Variants in CCDC187 observed in about 807,000 individuals in gnomAD.
CCDC187 encodes the protein coiled-coil domain containing 187, also known as coiled-coil domain-containing protein 187.
A neutral mutation model predicts 38.0 loss-of-function variants in CCDC187; 32 were observed. The observed-to-expected ratio is 0.84, with a 90% confidence interval of 0.64 to 1.13. The LOEUF (loss-of-function observed/expected upper bound fraction) is 1.13. Ranked by LOEUF, CCDC187 falls within the 50% of genes most tolerant of loss-of-function variation. The pLI is 0.00. For missense variants in CCDC187, 707 were observed against 786.8 expected (o/e 0.90, Z 1.21); for synonymous variants, 333 against 347.9 (o/e 0.96, Z 0.48).
intron 10 of CCDC187, among the ~76,000 whole-genome samples, chr9:136,280,310 C>T (rs1039550916): frequency 5.3e-5 from 8 of 152,220 alleles, no homozygotes; most frequent in Admixed American, 3.3e-4. Context: ...GCCAGGCAGG[C>T]AGTGATGCTC....
At position 136,254,338 on chromosome 9, in the gene CCDC187, C is replaced by A; in HGVS notation, c.5490G>T (p.Glu1830Asp). The A allele has an allele frequency of 1.0e-6, 1 of 983,818 alleles. No individual in the cohort carries two copies. The highest frequency in any genetic ancestry group is 1.8e-5 in the African/African-American group (1 of 57,072). 60.9% of individuals were successfully genotyped at this position (983,818 alleles called of 1,614,324 possible). Reference sequence around the variant, plus strand: ...ATGGGGACGGAAGAGCCACCTGGGGCTCCATGCCGCTTCTGACACCCCCTT... The same window carrying A: ...ATGGGGACGGAAGAGCCACCTGGGGATCCATGCCGCTTCTGACACCCCCTT... Reference protein sequence around the residue: ...SLKGGVRSGMEPQVALPSPWP... With the variant: ...SLKGGVRSGMDPQVALPSPWP... The change falls in exon 26 of 26, where the codon GAG (glutamate) becomes GAT (aspartate). Residue 1830 changes from glutamate to aspartate, a missense_variant. Coordinates refer to ENST00000638797, the MANE Select transcript of CCDC187 (RefSeq NM_001378188.1).
At chr9:136,256,143 G>A (rs538177673) in intron 24 of CCDC187, 68 bp downstream of exon 24, 737 of 837,612 alleles carry the variant, frequency 8.8e-4, no homozygotes, top group Non-Finnish European at 1.0e-3. Context: ...AGGGGGACAG[G>A]GGGTACCGGC....
In CCDC187 at chr9:136,286,505, C is replaced by G. The variant is rs1209466645; in HGVS notation, c.2413G>C (p.Glu805Gln). The change falls in exon 8 of 26, where the codon GAG becomes CAG. Residue 805 changes from glutamate (E) to glutamine (Q), a missense_variant. Physicochemically the swap from Glu to Gln is conservative, Grantham distance 29 (BLOSUM62 2). Transcript: ENST00000638797. ...CTGGAAGTGCCCAGGTGCTCAGCCT[C>G]CTTTGGGTCCAGGTAGATGCACATC... ...RGMCIYLDPK[E>Q]AEHLGTSSSL... is the part of the protein sequence containing the mutation. 2.5e-6 allele frequency: 1 copy of G among 398,774 alleles called. No homozygotes were observed. The highest frequency in any genetic ancestry group is 4.4e-6 in the Non-Finnish European group (1 of 226,164). The allele number at this position is 398,774 out of a possible 1,614,324, so 24.7% of individuals were successfully genotyped here. A position where few individuals can be genotyped will look rare whatever the true frequency, so the allele number is the denominator to read the frequency against.
At chr9:136,292,442 C>T (rs1359153746) in intron 4 of CCDC187, 147 bp from the exon 5 acceptor site, 2 of 395,942 alleles carry the variant, frequency 5.1e-6, no homozygotes, top group Admixed American at 8.8e-5. Context: ...CATGTCCAGG[C>T]CCCTGTTGGG....
In CCDC187 at chr9:136,268,031, G is replaced by A. The variant is rs999913406; in HGVS notation, c.3519+18C>T. On this transcript the variant is annotated intron_variant, in intron 15 of 25. Coordinates refer to ENST00000638797, the MANE Select transcript of CCDC187 (RefSeq NM_001378188.1). ...GTCCTGAAATTGTGCCTCTCCCCCA[G>A]GGGACCTCTCCACGTACCTGGTGGG... 1.0e-6 allele frequency: 1 copy of A among 985,268 alleles called. No homozygotes were observed. Among genetic ancestry groups the A allele is most frequent in the Non-Finnish European group, 1.2e-6 (1 of 829,864 alleles). The allele number at this position is 985,268 out of a possible 1,614,324, so 61.0% of individuals were successfully genotyped here. A position where few individuals can be genotyped will look rare whatever the true frequency, so the allele number is the denominator to read the frequency against.
chr9:136,288,577 G>A (rs1343334439), intron 7 of CCDC187, among the ~76,000 whole-genome samples: 1 of 152,204 alleles, frequency 6.6e-6, no homozygotes, highest in Non-Finnish European at 1.5e-5. Flanking sequence ...GCCAGAGAGT[G>A]TTTGCCACTG....
In CCDC187 at chr9:136,264,340, A is replaced by G. The variant is rs62579913; in HGVS notation, c.3736-542T>C. 23,928 of 152,228 alleles carry G rather than the reference A, an allele frequency of 0.16. 2,040 individuals carry two copies. The highest frequency in any genetic ancestry group is 0.22 in the Admixed American group (3,387 of 15,298). 9.4% of individuals were successfully genotyped at this position (152,228 alleles called of 1,614,324 possible). Reference sequence around the variant, plus strand: ...TCCCAGACCCCACCTCCACCACGGCATCTCTATCTGCGACACGCAGCCTGG... The same window carrying G: ...TCCCAGACCCCACCTCCACCACGGCGTCTCTATCTGCGACACGCAGCCTGG... On this transcript the variant is annotated intron_variant, in intron 17 of 25. Transcript: ENST00000638797. The surrounding 1 kb of genome is among the most constrained non-coding windows in gnomAD (Gnocchi z 4.3).
Position 136,258,452 on chromosome 9 carries a change from C to T in CCDC187, c.4366+480G>A, listed in dbSNP as rs144154602. On this transcript the variant is annotated intron_variant, in intron 22 of 25. Coordinates refer to ENST00000638797, the MANE Select transcript of CCDC187 (RefSeq NM_001378188.1). The surrounding 1 kb of genome is among the most constrained non-coding windows in gnomAD (Gnocchi z 4.3). ...GGGCACACAACCCCCCACTCTTCAG[C>T]CGGCGGCTACCAGACGCACCACCAG... is the stretch of plus-strand genomic sequence containing the variant. 1.1e-3 allele frequency among the ~76,000 whole-genome samples: 162 copies of T among 152,250 alleles called. No homozygotes were observed. Among genetic ancestry groups the T allele is most frequent in the African/African-American group, 3.3e-3 (139 of 41,534 alleles).
chr9:136,290,748 G>T lies in CCDC187; in HGVS notation c.1865C>A (p.Pro622His). The T allele has an allele frequency of 2.5e-6, 1 of 398,496 alleles. No homozygotes were observed. The highest frequency in any genetic ancestry group is 4.4e-6 in the Non-Finnish European group (1 of 225,942). 24.7% of individuals were successfully genotyped at this position (398,496 alleles called of 1,614,324 possible). Reference sequence around the variant, plus strand: ...CAGGAGCCCCCGGGACCTGGGGCAGGGCCGCAGCGTGTCCTTCTCCTTCCC... The same window carrying T: ...CAGGAGCCCCCGGGACCTGGGGCAGTGCCGCAGCGTGTCCTTCTCCTTCCC... ...PLGKEKDTLR[P>H]CPRSRGLLGP... Residue 622 changes from proline (P) to histidine (H), a missense_variant, in exon 6 of 26, where the codon CCC becomes CAC. Transcript: ENST00000638797.
chr9:136,259,520 G>C (rs1366131023), intron 20 of CCDC187, 72 bp from the exon 21 acceptor site: 1 of 775,596 alleles, frequency 1.3e-6, no homozygotes, highest in Admixed American at 6.2e-5. Flanking sequence ...GAAGGAGGCA[G>C]GGGCAGAATG....
rs1830583345 is a variant in CCDC187, at chr9:136,254,156, G to A, written c.5672C>T (p.Pro1891Leu). The change falls in exon 26 of 26, where the codon CCT becomes CTT. Residue 1891 changes from proline to leucine, a missense_variant. Transcript: ENST00000638797. ...CCCTTCACTCAAAGAGGTCCACGAAGGAAAGACCAGCAGTGAGTCCGAGTC... is the reference window on the plus strand; with the variant it reads ...CCCTTCACTCAAAGAGGTCCACGAAAGAAAGACCAGCAGTGAGTCCGAGTC... ...AGDSDSLLVFPSWTSLSEGAD... is the reference protein window; with the variant it reads ...AGDSDSLLVFLSWTSLSEGAD... 1.0e-6 allele frequency: 1 copy of A among 985,480 alleles called. No homozygotes were observed. The highest frequency in any genetic ancestry group is 6.1e-5 in the Admixed American group (1 of 16,288). 61.0% of individuals were successfully genotyped at this position (985,480 alleles called of 1,614,324 possible). A position where few individuals can be genotyped will look rare whatever the true frequency, so the allele number is the denominator to read the frequency against.
Position 136,267,497 on chromosome 9 carries a change from G to T in CCDC187, c.3534C>A (p.Ser1178Arg). Residue 1178 changes from serine (S) to arginine (R), a missense_variant, in exon 16 of 26, where the codon AGC becomes AGA. Coordinates refer to ENST00000638797, the MANE Select transcript of CCDC187 (RefSeq NM_001378188.1). ...GTGCTCGCAGCTCCTCCTCCCGCAGGCTCCGCTCCAGCATCTGCAGCTTGA... is the reference window on the plus strand; with the variant it reads ...GTGCTCGCAGCTCCTCCTCCCGCAGTCTCCGCTCCAGCATCTGCAGCTTGA... ...DNPTHQMLERSLREEELRAQH... is the reference protein window; with the variant it reads ...DNPTHQMLERRLREEELRAQH... 1 of 985,682 alleles carries T rather than the reference G, an allele frequency of 1.0e-6. No homozygotes were observed. Among genetic ancestry groups the T allele is most frequent in the Non-Finnish European group, 1.2e-6 (1 of 830,110 alleles). 61.1% of individuals were successfully genotyped at this position (985,682 alleles called of 1,614,324 possible).
chr9:136,294,594 C>G (rs2131335702), intron 4 of CCDC187, among the ~76,000 whole-genome samples: 1 of 152,340 alleles, frequency 6.6e-6, no homozygotes, highest in African/African-American at 2.4e-5. Flanking sequence ...GGCTCCCGGA[C>G]TGAGTCAGGG....
intron 4 of CCDC187, among the ~76,000 whole-genome samples, chr9:136,295,532 A>G (rs1375748664): frequency 2.6e-5 from 4 of 152,234 alleles, no homozygotes; most frequent in Non-Finnish European, 2.9e-5. Context: ...TCTGAAATTA[A>G]ATATCAGGCT....
chr9:136,260,039 C>T (rs880000318), intron 20 of CCDC187, 80 bp downstream of exon 20: 18 of 972,790 alleles, frequency 1.9e-5, no homozygotes, highest in Non-Finnish European at 2.1e-5. Flanking sequence ...GACCCTGGGC[C>T]TAATGCCACC....
rs1554761251 is a variant in CCDC187 at position 136,263,617 on chromosome 9, C to T, written c.3912+5G>A. On this transcript the variant is annotated splice_donor_5th_base_variant and intron_variant, in intron 18 of 25. Coordinates refer to ENST00000638797, the MANE Select transcript of CCDC187 (RefSeq NM_001378188.1). ...CTGAGTCCCAGCCCAGGCGAGAGCA[C>T]CCACCTGCTGCAGCTTGGCCTGGGC... 1.0e-6 allele frequency: 1 copy of T among 985,342 alleles called. No homozygotes were observed. The highest frequency in any genetic ancestry group is 1.2e-6 in the Non-Finnish European group (1 of 829,928). 61.0% of individuals were successfully genotyped at this position (985,342 alleles called of 1,614,324 possible).
rs1161677910 is a variant in CCDC187, at chr9:136,290,730, C to T, written c.1883G>A (p.Gly628Glu). ...AGAGCTGTGCGAGGGTCCCAGGAGC[C>T]CCCGGGACCTGGGGCAGGGCCGCAG... is the stretch of plus-strand genomic sequence containing the variant. The part of the protein sequence containing the change: ...DTLRPCPRSR[G>E]LLGPSHSSES... Residue 628 changes from glycine (G) to glutamate (E), a missense_variant, in exon 6 of 26, where the codon GGG (glycine) becomes GAG (glutamate). Physicochemically the swap from Gly to Glu is moderately conservative, Grantham distance 98. Transcript: ENST00000638797. The T allele has an allele frequency of 5.0e-6, 2 of 398,360 alleles. No individual in the cohort carries two copies. The highest frequency in any genetic ancestry group is 8.9e-6 in the Non-Finnish European group (2 of 225,930). 24.7% of individuals were successfully genotyped at this position (398,360 alleles called of 1,614,324 possible).
At position 136,265,209 on chromosome 9, in the gene CCDC187, G is replaced by T. The variant is rs1347477845; in HGVS notation, c.3735+747C>A. The stretch of plus-strand genomic sequence containing the variant: ...CAAGGGTCCTCGTCCTGGCTCTCAG[G>T]CTTGCCCCTCAGCCTTGCTCTCTGC... On this transcript the variant is annotated intron_variant, in intron 17 of 25. Coordinates refer to ENST00000638797, the MANE Select transcript of CCDC187 (RefSeq NM_001378188.1). Among the ~76,000 whole-genome samples the T allele has an allele frequency of 3.3e-5, 5 of 152,326 alleles. No homozygotes were observed. The East Asian group carries it at 5.8e-4, about 18-fold the overall frequency.
chr9:136,255,758 C>T (rs1830604195), intron 24 of CCDC187, 25 bp from the exon 25 acceptor site: 3 of 980,338 alleles, frequency 3.1e-6, no homozygotes, highest in Non-Finnish European at 3.6e-6. Context: ...GTGGAGAACC[C>T]TGTGGGGATC....
Sources: gnomAD v4.1 joint callset for allele counts (sites outside exome capture counted in the v4.1 genomes callset) on GRCh38, gnomAD v4.1.1 for gene constraint, Gnocchi (gnomAD v3.1) non-coding constraint, MANE v1.5 for transcripts, NCBI Gene and HGNC (gene_info 2026-07-23, HGNC 2026-07-21) for gene names.